The following THSD4 variants were observed in gnomAD, a reference collection of about 807,000 sequenced individuals.
THSD4 encodes the protein thrombospondin type 1 domain containing 4.
Under a neutral mutation model 119.0 loss-of-function variants are expected in THSD4, and 69 were observed. That is an observed-to-expected ratio of 0.58 (90% CI 0.48 to 0.71). THSD4 has a LOEUF of 0.71. THSD4 is among the 30% of genes least tolerant of loss of function. The pLI is 0.00. For synonymous variants in THSD4, 524 were observed against 540.4 expected, an observed-to-expected ratio of 0.97 and a Z score of 0.42; for missense variants, 1,393 against 1,391.1, an observed-to-expected ratio of 1.00 and a Z score of -0.02.
intron 6 of THSD4, among the ~76,000 whole-genome samples, chr15:71,360,013 G>A (rs541510337): frequency 1.3e-5 from 2 of 152,084 alleles, no homozygotes; most frequent in Admixed American, 6.6e-5. Context: ...ATTATCTTTC[G>A]TGGTTCTGGA....
intron 6 of THSD4, among the ~76,000 whole-genome samples, chr15:71,343,482 C>T (rs575136324): frequency 9.2e-5 from 14 of 152,280 alleles, no homozygotes; most frequent in African/African-American, 3.4e-4. Context: ...GGGTTGGCTT[C>T]GTCTGGAGTC....
chr15:71,614,538 G>C (rs1430242957), intron 7 of THSD4, among the ~76,000 whole-genome samples: 1 of 152,208 alleles, frequency 6.6e-6, no homozygotes. Context: ...GGAGAGAAGA[G>C]TAAATTTTGG....
At chr15:71,578,141 ATATC>A (rs757797534) in intron 7 of THSD4, among the ~76,000 whole-genome samples, 10 of 149,184 alleles carry the variant, frequency 6.7e-5, no homozygotes, top group Admixed American at 1.3e-4. Context: ...TATATACATT[ATATC>A]TATCTATATA....
intron 6 of THSD4, among the ~76,000 whole-genome samples, chr15:71,353,345 C>T (rs1286346274): frequency 6.6e-6 from 1 of 152,092 alleles, no homozygotes; most frequent in Non-Finnish European, 1.5e-5. Context: ...AAAATTGTGT[C>T]CACTTTTTAT....
chr15:71,557,476 T>C (rs1396669647), intron 7 of THSD4, among the ~76,000 whole-genome samples: 1 of 152,170 alleles, frequency 6.6e-6, no homozygotes. Context: ...TATAAGGCTA[T>C]ACCAGTCTTA....
chr15:71,661,293 C>A (rs1168899548), intron 8 of THSD4, among the ~76,000 whole-genome samples: 1 of 152,214 alleles, frequency 6.6e-6, no homozygotes, highest in Non-Finnish European at 1.5e-5. Flanking sequence ...AATTTTAACC[C>A]ATTTTTCTAC....
At chr15:71,165,139 A>C (rs1300725017) in intron 3 of THSD4, 5 of 1,606,180 alleles carry the variant, frequency 3.1e-6, no homozygotes, top group African/African-American at 1.3e-5. Context: ...TCTTGGGTGC[A>C]TTGGGATCCT....
chr15:71,702,334 T>C (rs1023737069), intron 8 of THSD4, among the ~76,000 whole-genome samples: 1 of 152,214 alleles, frequency 6.6e-6, no homozygotes, highest in Non-Finnish European at 1.5e-5. Context: ...TTTGAACTCA[T>C]TGTTTTAATT....
chr15:71,431,209 C>G (rs1275575130), intron 7 of THSD4, among the ~76,000 whole-genome samples: 1 of 152,120 alleles, frequency 6.6e-6, no homozygotes, highest in Non-Finnish European at 1.5e-5. Context: ...AAACCTAAAG[C>G]CATAAAATAT....
chr15:71,707,726 C>CAT (rs1230184735), intron 8 of THSD4, among the ~76,000 whole-genome samples: 4 of 152,176 alleles, frequency 2.6e-5, no homozygotes, highest in African/African-American at 9.7e-5. Flanking sequence ...CCTCCTGAAT[C>CAT]ATAGGCTCCT....
intron 6 of THSD4, among the ~76,000 whole-genome samples, chr15:71,365,892 G>A (rs1203214849): frequency 6.6e-6 from 1 of 152,072 alleles, no homozygotes; most frequent in Non-Finnish European, 1.5e-5. Flanking sequence ...AGTCACAGTC[G>A]CAAGTCAGTT....
At chr15:71,745,298 G>A in intron 12 of THSD4, 63 bp downstream of exon 12, 2 of 1,586,994 alleles carry the variant, frequency 1.3e-6, no homozygotes, top group Non-Finnish European at 1.7e-6. Context: ...TTATGCACAG[G>A]ACCTTAGGAA....
At chr15:71,434,618 T>A (rs1382630952) in intron 7 of THSD4, among the ~76,000 whole-genome samples, 1 of 151,940 alleles carries the variant, frequency 6.6e-6, no homozygotes, top group Non-Finnish European at 1.5e-5. Context: ...CCAAAAGGCC[T>A]GTGAAGTTTT....
chr15:71,143,884 C>A (rs2040631244), intron 2 of THSD4, among the ~76,000 whole-genome samples: 1 of 151,978 alleles, frequency 6.6e-6, no homozygotes, highest in Non-Finnish European at 1.5e-5. Flanking sequence ...AAACAGTCTC[C>A]TGTAATGATC....
intron 1 of THSD4, among the ~76,000 whole-genome samples, chr15:71,103,897 C>A (rs1458564802): frequency 6.6e-6 from 1 of 152,198 alleles, no homozygotes; most frequent in Non-Finnish European, 1.5e-5. Context: ...CTGGTGCACA[C>A]TTCCAGCTTT....
At chr15:71,516,355 T>G (rs904156446) in intron 7 of THSD4, among the ~76,000 whole-genome samples, 1 of 152,116 alleles carries the variant, frequency 6.6e-6, no homozygotes, top group African/African-American at 2.4e-5. Context: ...TGGTCGTGAG[T>G]GGCCCAATCA....
chr15:71,589,815 A>G, intron 7 of THSD4, among the ~76,000 whole-genome samples: 1 of 139,200 alleles, frequency 7.2e-6, no homozygotes. Flanking sequence ...CTCCATCCCC[A>G]CGAGAATAGA....
At chr15:71,715,587 C>T (rs74025516) in intron 8 of THSD4, among the ~76,000 whole-genome samples, 25,755 of 151,804 alleles carry the variant, frequency 0.17, 2,392 homozygotes, top group Middle Eastern at 0.22. Flanking sequence ...GTGGAAGCCA[C>T]TGTGTGTGTA....
intron 15 of THSD4, among the ~76,000 whole-genome samples, chr15:71,760,309 C>G (rs967285636): frequency 6.6e-6 from 1 of 152,152 alleles, no homozygotes; most frequent in African/African-American, 2.4e-5. Context: ...GAGGCTTGTG[C>G]AAAAAGCCAG....
Sources: gnomAD v4.1 joint callset for allele counts (sites outside exome capture counted in the v4.1 genomes callset) on GRCh38, gnomAD v4.1.1 for gene constraint, MANE v1.5 for transcripts, NCBI Gene and HGNC (gene_info 2026-07-23, HGNC 2026-07-21) for gene names.